EFCAB6: variants seen among roughly 807,000 people sequenced by gnomAD.
EFCAB6 encodes the protein EF-hand calcium-binding domain-containing protein 6.
A neutral mutation model predicts 169.8 loss-of-function variants in EFCAB6; 156 were observed. The observed-to-expected ratio is 0.92, with a 90% CI of 0.81 to 1.05. The LOEUF (loss-of-function observed/expected upper bound fraction) is 1.05, where lower values mean the gene tolerates loss of function less well. EFCAB6 is among the 50% of genes least tolerant of loss of function. EFCAB6 has a pLI of 0.00. For synonymous variants in EFCAB6, 698 were observed against 676.4 expected, an observed-to-expected ratio of 1.03 and a Z score of -0.50; for missense variants, 1,800 against 1,829.1, an observed-to-expected ratio of 0.98 and a Z score of 0.29.
At chr22:43,643,530 T>C (rs1451378849) in intron 17 of EFCAB6, among the ~76,000 whole-genome samples, 1 of 152,208 alleles carries the variant, frequency 6.6e-6, no homozygotes, top group East Asian at 1.9e-4. Context: ...TGGGAGCCAA[T>C]GACTGCAACC....
intron 21 of EFCAB6, among the ~76,000 whole-genome samples, chr22:43,615,219 T>A (rs769080041): frequency 1.3e-5 from 2 of 152,214 alleles, no homozygotes; most frequent in African/African-American, 4.8e-5. Flanking sequence ...AAAGTGGTGA[T>A]CTCCAGCCTA....
rs770076319 is a variant in EFCAB6 at position 43,687,454 on chromosome 22, T to G, written c.1142+17A>C. On this transcript the variant is annotated intron_variant, in intron 11 of 31. Coordinates refer to ENST00000262726, the MANE Select transcript of EFCAB6 (RefSeq NM_022785.4). ...TATGTGTAACTAAAATTTGTTTTTT[T>G]TTTTTTTTTTACATACCTATTTCTT... is the stretch of plus-strand genomic sequence containing the variant. The G allele has an allele frequency of 1.0e-5, 14 of 1,379,544 alleles. No individual in the cohort carries two copies. Among genetic ancestry groups the G allele is most frequent in the East Asian group, 7.2e-5 (3 of 41,460 alleles). 85.5% of individuals were successfully genotyped at this position (1,379,544 alleles called of 1,614,324 possible).
chr22:43,577,332 G>C (rs574373983), intron 25 of EFCAB6, among the ~76,000 whole-genome samples: 1 of 152,238 alleles, frequency 6.6e-6, no homozygotes, highest in African/African-American at 2.4e-5. Context: ...CCACACCCTT[G>C]TAGTTAATTC....
At chr22:43,747,430 G>T (rs548794590) in intron 6 of EFCAB6, among the ~76,000 whole-genome samples, 9 of 152,286 alleles carry the variant, frequency 5.9e-5, no homozygotes, top group African/African-American at 2.2e-4. Context: ...AAATCTGCAG[G>T]ACCTAGTGGT....
chr22:43,600,420 C>G (rs2052416850), intron 22 of EFCAB6, among the ~76,000 whole-genome samples, 157 bp from the exon 23 acceptor site: 1 of 152,194 alleles, frequency 6.6e-6, no homozygotes, highest in Admixed American at 6.5e-5. Context: ...TCAGCCCCGC[C>G]TGGCAGAGCT....
chr22:43,753,996 A>G (rs1256924139), intron 6 of EFCAB6, among the ~76,000 whole-genome samples: 1 of 152,206 alleles, frequency 6.6e-6, no homozygotes, highest in Admixed American at 6.5e-5. Flanking sequence ...TCAGTCTCCA[A>G]CATTAGTGTG....
chr22:43,724,053 G>C (rs2059632450), intron 8 of EFCAB6, among the ~76,000 whole-genome samples: 1 of 152,120 alleles, frequency 6.6e-6, no homozygotes, highest in African/African-American at 2.4e-5. Flanking sequence ...ATGTGGCCAG[G>C]CTGCACTTCC....
intron 8 of EFCAB6, among the ~76,000 whole-genome samples, chr22:43,726,473 A>C (rs1195249980): frequency 6.6e-6 from 1 of 152,214 alleles, no homozygotes; most frequent in Non-Finnish European, 1.5e-5. Context: ...AAGCAGATAC[A>C]AACTGAAGCT....
intron 19 of EFCAB6, among the ~76,000 whole-genome samples, chr22:43,627,129 C>T (rs2147842042): frequency 6.6e-6 from 1 of 152,304 alleles, no homozygotes; most frequent in South Asian, 2.1e-4. Flanking sequence ...CACCTGAAGG[C>T]CAGGCCTCTG....
intron 25 of EFCAB6, among the ~76,000 whole-genome samples, chr22:43,577,201 G>GA (rs1490245426): frequency 1.3e-5 from 2 of 152,168 alleles, no homozygotes; most frequent in African/African-American, 2.4e-5. Context: ...GCTATAAAAA[G>GA]AAAGCACATT....
chr22:43,763,186 G>A (rs1352443731), intron 5 of EFCAB6, among the ~76,000 whole-genome samples: 2 of 151,906 alleles, frequency 1.3e-5, no homozygotes, highest in Non-Finnish European at 2.9e-5. Flanking sequence ...TTACAGGCAC[G>A]CACCACCACA....
At chr22:43,759,610 C>A (rs1460122274) in intron 5 of EFCAB6, 1 of 152,148 alleles carries the variant, frequency 6.6e-6, no homozygotes, top group African/African-American at 2.4e-5. Flanking sequence ...GATGTTTCTA[C>A]CATTATTATA....
At chr22:43,768,459 C>T (rs1453312410) in intron 4 of EFCAB6, among the ~76,000 whole-genome samples, 3 of 152,182 alleles carry the variant, frequency 2.0e-5, no homozygotes, top group African/African-American at 7.2e-5. Flanking sequence ...GCATGTATCA[C>T]CAAATGGATT....
chr22:43,758,621 A>C (rs902624670), intron 5 of EFCAB6, among the ~76,000 whole-genome samples: 3 of 152,166 alleles, frequency 2.0e-5, no homozygotes, highest in Admixed American at 6.5e-5. Context: ...TTATATAGCC[A>C]AAAATCATTT....
intron 8 of EFCAB6, among the ~76,000 whole-genome samples, chr22:43,724,928 T>A (rs746732529): frequency 6.6e-6 from 1 of 152,230 alleles, no homozygotes; most frequent in Admixed American, 6.5e-5. Flanking sequence ...CAAGTTTCTA[T>A]CTTAGTCCTT....
At chr22:43,717,106 A>G in intron 8 of EFCAB6, 134 bp from the exon 9 acceptor site, 1 of 1,156,532 alleles carries the variant, frequency 8.6e-7, no homozygotes, top group Non-Finnish European at 1.1e-6. Flanking sequence ...GAACCATCTG[A>G]TTAATGGTGT....
At chr22:43,635,330 G>C (rs1304744077) in intron 17 of EFCAB6, 114 bp from the exon 18 acceptor site, 2 of 778,438 alleles carry the variant, frequency 2.6e-6, no homozygotes, top group Non-Finnish European at 4.4e-6. Flanking sequence ...ATTGTTATTT[G>C]TCTGACCCCA....
intron 2 of EFCAB6, among the ~76,000 whole-genome samples, chr22:43,806,948 G>A (rs2062943415): frequency 1.3e-5 from 2 of 152,230 alleles, no homozygotes; most frequent in African/African-American, 2.4e-5. Flanking sequence ...GGCTGCAGAT[G>A]TGGTGGGTAA....
rs555989485 is a variant in EFCAB6 at position 43,530,977 on chromosome 22, C to G, written c.4234-13G>C. 14 of 1,613,828 alleles carry G rather than the reference C, an allele frequency of 8.7e-6. No homozygotes were observed. In the African/African-American group the frequency reaches 1.6e-4, roughly 18 times the overall value. On this transcript the variant is annotated splice_polypyrimidine_tract_variant and intron_variant, in intron 30 of 31. Coordinates refer to ENST00000262726, the MANE Select transcript of EFCAB6 (RefSeq NM_022785.4). ...CGCCGGCTTCTTTCTAGACACAAGA[C>G]AAGAAGGGGTGAGGAGGGAGCTTTT...
Sources: allele counts gnomAD v4.1 joint callset (sites outside exome capture counted in the v4.1 genomes callset), GRCh38; gene constraint gnomAD v4.1.1; transcripts MANE v1.5; gene names NCBI Gene and HGNC (gene_info 2026-07-23, HGNC 2026-07-21).